The following VASH2 variants were observed in gnomAD, a reference collection of about 807,000 sequenced individuals.
The protein encoded by VASH2 is tubulinyl-Tyr carboxypeptidase 2.
In VASH2, 28 loss-of-function variants were observed where a neutral mutation model predicts 37.2. That is an observed-to-expected ratio of 0.75 (90% CI 0.56 to 1.03). VASH2 has a LOEUF of 1.03. Among genes scored for constraint, VASH2 ranks in the 50% least tolerant of loss-of-function variants. VASH2 has a pLI of 0.00. For synonymous variants in VASH2, 188 were observed against 174.7 expected (o/e 1.08, Z -0.60); for missense variants, 419 against 459.1 (o/e 0.91, Z 0.80).
chr1:212,963,177 A>T (rs1010825269), intron 3 of VASH2, among the ~76,000 whole-genome samples: 4 of 152,038 alleles, frequency 2.6e-5, no homozygotes, highest in Admixed American at 6.5e-5. Context: ...TCTCTGCCAC[A>T]TTTTCATGGT....
At chr1:212,957,169 A>C (rs1249355173) in intron 2 of VASH2, among the ~76,000 whole-genome samples, 1 of 152,234 alleles carries the variant, frequency 6.6e-6, no homozygotes, top group Non-Finnish European at 1.5e-5. Context: ...AAATGTCATC[A>C]AGGTTCATCT....
chr1:212,955,657 G>C (rs1258952338), intron 2 of VASH2, among the ~76,000 whole-genome samples: 2 of 152,146 alleles, frequency 1.3e-5, no homozygotes, highest in Admixed American at 1.3e-4. Flanking sequence ...AACAGCAGTC[G>C]GTTTCTTGCA....
chr1:212,977,844 T>TC (rs1391609074), intron 7 of VASH2, among the ~76,000 whole-genome samples: 1 of 152,154 alleles, frequency 6.6e-6, no homozygotes, highest in Non-Finnish European at 1.5e-5. Flanking sequence ...ATGATGCTGA[T>TC]CCTGCTGGTC....
At chr1:212,955,145 C>T (rs1227489350) in intron 2 of VASH2, among the ~76,000 whole-genome samples, 4 of 152,112 alleles carry the variant, frequency 2.6e-5, no homozygotes, top group Non-Finnish European at 4.4e-5. Context: ...AGGGTGGCGG[C>T]GGTGGTAAAA....
At chr1:212,984,789 C>T (rs1667431416) in intron 7 of VASH2, among the ~76,000 whole-genome samples, 1 of 152,144 alleles carries the variant, frequency 6.6e-6, no homozygotes, top group Non-Finnish European at 1.5e-5. Context: ...AAAGAGCTAC[C>T]ATGGCTTAGG....
intron 2 of VASH2, among the ~76,000 whole-genome samples, chr1:212,959,495 G>A (rs1245126410): frequency 6.6e-6 from 1 of 152,210 alleles, no homozygotes; most frequent in Non-Finnish European, 1.5e-5. Context: ...TGCAGGAAGT[G>A]TGATTCTGAT....
chr1:212,972,702 T>G lies in VASH2; in HGVS notation c.620T>G (p.Leu207Trp). 6.2e-7 allele frequency: 1 copy of G among 1,614,258 alleles called. No homozygotes were observed. The highest frequency in any genetic ancestry group is 8.5e-7 in the Non-Finnish European group (1 of 1,180,050). ...TACTGCAATGGCCGCTATGGCTCAT[T>G]GGGCATGAGCCGCAGGGCTGAGCTG... is the stretch of plus-strand genomic sequence containing the variant. ...GIYCNGRYGS[L>W]GMSRRAELMD... Residue 207 changes from leucine to tryptophan, a missense_variant, in exon 6 of 8, where the codon TTG (leucine) becomes TGG (tryptophan). Physicochemically the swap from Leu to Trp is moderately conservative, Grantham distance 61. Transcript: ENST00000517399.
intron 2 of VASH2, among the ~76,000 whole-genome samples, chr1:212,959,814 C>G (rs993619532): frequency 6.6e-6 from 1 of 152,230 alleles, no homozygotes; most frequent in Non-Finnish European, 1.5e-5. Flanking sequence ...CTTCCATCAG[C>G]GGAGCACCAG....
chr1:212,953,213 C>T (rs1666375926), intron 2 of VASH2, among the ~76,000 whole-genome samples: 1 of 141,732 alleles, frequency 7.1e-6, no homozygotes, highest in African/African-American at 2.5e-5. Flanking sequence ...CTTCCTCCAA[C>T]CATGTATGCG....
At chr1:212,962,042 C>A (rs58879807) in intron 3 of VASH2, among the ~76,000 whole-genome samples, 9,533 of 152,280 alleles carry the variant, frequency 0.063, 560 homozygotes, top group African/African-American at 0.16. Flanking sequence ...AGGCTGGTGA[C>A]CTGCTTGGTT....
At chr1:212,982,271 G>C (rs1194506480) in intron 7 of VASH2, among the ~76,000 whole-genome samples, 1 of 152,212 alleles carries the variant, frequency 6.6e-6, no homozygotes, top group Non-Finnish European at 1.5e-5. Flanking sequence ...CCTGCAAAGT[G>C]AGTCAAAGTA....
rs1237281862 is a variant in VASH2 at position 212,990,928 on chromosome 1, C to CA, written c.*2350dup. 6.6e-6 allele frequency: 1 copy of CA among 151,988 alleles called. No homozygotes were observed. The highest frequency in any genetic ancestry group is 1.5e-5 in the Non-Finnish European group (1 of 67,966). The allele number at this position is 151,988 out of a possible 1,614,324, so 9.4% of individuals were successfully genotyped here. The stretch of plus-strand genomic sequence containing the variant: ...TTAAAAAACAAAAAACAAAACAAAA[C>CA]AAAAAACATGTTATATGCACCCCCC... On this transcript the variant is annotated 3_prime_UTR_variant, in exon 8 of 8. Transcript: ENST00000517399.
chr1:212,974,202 C>T (rs1420788476), intron 7 of VASH2, 132 bp downstream of exon 7: 3 of 1,191,512 alleles, frequency 2.5e-6, no homozygotes, highest in African/African-American at 3.1e-5. Flanking sequence ...GAGGACTGCC[C>T]CTCATTCAGG....
chr1:212,979,378 C>G lies in VASH2; in HGVS notation c.995+5308C>G, dbSNP rs990914059. On this transcript the variant is annotated intron_variant, in intron 7 of 7. Coordinates refer to ENST00000517399, the MANE Select transcript of VASH2 (RefSeq NM_001301056.2). ...TTGGTGACTCTGTCCCTGTGCTATT[C>G]TGTCAGCATTACATAAGGCCATCGC... is the stretch of plus-strand genomic sequence containing the variant. Among the ~76,000 whole-genome samples the G allele has an allele frequency of 3.3e-5, 5 of 152,218 alleles. 1 individual carries two copies. The highest frequency in any genetic ancestry group is 7.2e-5 in the African/African-American group (3 of 41,458).
At chr1:212,986,653 T>G (rs1226783843) in intron 7 of VASH2, among the ~76,000 whole-genome samples, 1 of 152,098 alleles carries the variant, frequency 6.6e-6, no homozygotes, top group East Asian at 1.9e-4. Flanking sequence ...GTGGCTTTGT[T>G]TAAGGGAATA....
In VASH2 at chr1:212,965,636, G is replaced by T. The variant is rs543049467; in HGVS notation, c.366-86G>T. On this transcript the variant is annotated intron_variant, in intron 3 of 7. Transcript: ENST00000517399. ...AAAGCCCTCACATCCTCATCTCATT[G>T]AGAAATCAGAATGCATAGCTTTCTC... 3.8e-5 allele frequency: 49 copies of T among 1,288,160 alleles called. No homozygotes were observed. The Admixed American group carries it at 8.0e-4, about 21-fold the overall frequency. 79.8% of individuals were successfully genotyped at this position (1,288,160 alleles called of 1,614,324 possible).
intron 3 of VASH2, among the ~76,000 whole-genome samples, chr1:212,964,413 C>T (rs1226549623): frequency 6.6e-6 from 1 of 152,214 alleles, no homozygotes. Flanking sequence ...GCTTCATTAG[C>T]ACCTTCCCGA....
intron 7 of VASH2, 34 bp from the exon 8 acceptor site, chr1:212,988,477 CT>C (rs2075819855): frequency 6.2e-7 from 1 of 1,609,424 alleles, no homozygotes; most frequent in East Asian, 2.2e-5. Flanking sequence ...GCCCCATCCC[CT>C]CTCCTCCACC....
intron 2 of VASH2, among the ~76,000 whole-genome samples, chr1:212,958,058 G>A (rs1363243391): frequency 1.3e-5 from 2 of 152,220 alleles, no homozygotes; most frequent in Non-Finnish European, 2.9e-5. Context: ...AGGTCATGCA[G>A]CTTGACCAGG....
Sources: gnomAD v4.1 joint callset for allele counts (sites outside exome capture counted in the v4.1 genomes callset) on GRCh38, gnomAD v4.1.1 for gene constraint, MANE v1.5 for transcripts, NCBI Gene and HGNC (gene_info 2026-07-23, HGNC 2026-07-21) for gene names.